The following IMPG1 variants were observed in gnomAD, a reference collection of about 807,000 sequenced individuals.
The protein encoded by IMPG1 is interphotoreceptor matrix proteoglycan of 150 kDa.
A neutral mutation model predicts 92.0 loss-of-function variants in IMPG1; 85 were observed. The observed-to-expected ratio is 0.92, with a 90% CI of 0.78 to 1.11. IMPG1 has a LOEUF of 1.11. IMPG1 is among the 50% of genes least tolerant of loss of function. IMPG1 has a pLI of 0.00. For missense variants in IMPG1, 1,022 were observed against 956.0 expected (o/e 1.07, Z -0.91); for synonymous variants, 367 against 334.1 (o/e 1.10, Z -1.08).
At chr6:75,945,376 G>A (rs534151237) in intron 14 of IMPG1, among the ~76,000 whole-genome samples, 95 of 143,424 alleles carry the variant, frequency 6.6e-4, no homozygotes, top group African/African-American at 2.3e-3. Context: ...TTTTTGAGAG[G>A]AGTCTCTCTG....
chr6:76,044,450 T>C (rs1295968150), intron 1 of IMPG1, among the ~76,000 whole-genome samples: 1 of 152,164 alleles, frequency 6.6e-6, no homozygotes, highest in African/African-American at 2.4e-5. Context: ...TGCCTGCCTG[T>C]AATGTGTGGG....
intron 12 of IMPG1, among the ~76,000 whole-genome samples, chr6:75,985,196 C>A (rs369223469): frequency 6.6e-6 from 1 of 152,204 alleles, no homozygotes; most frequent in Non-Finnish European, 1.5e-5. Flanking sequence ...TGGAATATGG[C>A]AACCTAATGT....
In IMPG1 at chr6:76,042,155, AATATATACATTTATGTGTT is replaced by A; in HGVS notation, c.68-48_68-30del. 3 of 1,099,382 alleles carry A rather than the reference AATATATACATTTATGTGTT, an allele frequency of 2.7e-6. No individual in the cohort carries two copies. In the South Asian group the frequency reaches 3.7e-5, roughly 14 times the overall value. The allele number at this position is 1,099,382 out of a possible 1,614,324, so 68.1% of individuals were successfully genotyped here. On this transcript the variant is annotated intron_variant, in intron 1 of 16. Transcript: ENST00000369950. ...TAAAAGAAAGATTGATATCCTGGTG[AATATATACATTTATGTGTT>A]ATATGTGACATATATGGATAAATGA...
chr6:75,986,795 A>G (rs536441438), intron 12 of IMPG1, among the ~76,000 whole-genome samples: 2 of 152,214 alleles, frequency 1.3e-5, no homozygotes, highest in Non-Finnish European at 2.9e-5. Context: ...GAAATACATT[A>G]GTTTGTATGT....
intron 1 of IMPG1, among the ~76,000 whole-genome samples, chr6:76,051,016 T>C (rs147901857): frequency 6.6e-6 from 1 of 152,314 alleles, no homozygotes; most frequent in African/African-American, 2.4e-5. Context: ...AAATTCACTG[T>C]AATTTCTACA....
rs144309180 is a variant in IMPG1, at chr6:75,994,497, G to A, written c.1291+8421C>T. Among the ~76,000 whole-genome samples the A allele has an allele frequency of 1.4e-4, 21 of 152,278 alleles. 1 individual carries two copies. The highest frequency in any genetic ancestry group is 4.3e-4 in the African/African-American group (18 of 41,560). ...GCTCATAAAGACATATCTGAGGCTG[G>A]GTAATTTATAAAGGAAAGAGGTTTA... On this transcript the variant is annotated intron_variant, in intron 12 of 16. Transcript: ENST00000369950.
chr6:76,018,691 G>A (rs1783341394), intron 7 of IMPG1, 27 bp downstream of exon 7: 4 of 1,606,294 alleles, frequency 2.5e-6, no homozygotes, highest in Admixed American at 1.7e-5. Flanking sequence ...AGCTTGAGGT[G>A]TGGTTGTATG....
At chr6:75,979,194 G>T (rs940853627) in intron 12 of IMPG1, among the ~76,000 whole-genome samples, 3 of 152,138 alleles carry the variant, frequency 2.0e-5, no homozygotes, top group Non-Finnish European at 4.4e-5. Context: ...TGGGATTACA[G>T]GCGTGAGCCA....
intron 9 of IMPG1, among the ~76,000 whole-genome samples, chr6:76,006,530 G>T (rs903159842): frequency 6.9e-6 from 1 of 145,910 alleles, no homozygotes; most frequent in Admixed American, 6.8e-5. Context: ...GTATATATAC[G>T]TGTGTGTGTG....
At chr6:75,982,871 C>T (rs2149470233) in intron 12 of IMPG1, among the ~76,000 whole-genome samples, 1 of 152,162 alleles carries the variant, frequency 6.6e-6, no homozygotes, top group Admixed American at 6.5e-5. Context: ...ACACCCTCAT[C>T]TTTAAAATCT....
At chr6:75,967,338 C>T (rs1474522375) in intron 12 of IMPG1, among the ~76,000 whole-genome samples, 1 of 151,974 alleles carries the variant, frequency 6.6e-6, no homozygotes, top group Non-Finnish European at 1.5e-5. Flanking sequence ...AGAGGTTGGG[C>T]CTTTGGTGGG....
At chr6:75,995,314 AT>A (rs1207604256) in intron 12 of IMPG1, among the ~76,000 whole-genome samples, 3 of 152,242 alleles carry the variant, frequency 2.0e-5, no homozygotes, top group South Asian at 2.1e-4. Flanking sequence ...TTAAACCTAA[AT>A]TTGAGGTGTC....
At position 76,041,938 on chromosome 6, in the gene IMPG1, T is replaced by A. The variant is rs752153859; in HGVS notation, c.256A>T (p.Met86Leu). 2 of 1,613,884 alleles carry A rather than the reference T, an allele frequency of 1.2e-6. No individual in the cohort carries two copies. Among genetic ancestry groups the A allele is most frequent in the Non-Finnish European group, 1.7e-6 (2 of 1,179,774 alleles). ...TGVKVCPQES[M>L]KQILDSLQAY... Reference sequence around the variant, plus strand: ...TGAAGACTGTCTAAAATCTGTTTCATGGATTCCTGTGGACAGACTTTAACC... The same window carrying A: ...TGAAGACTGTCTAAAATCTGTTTCAAGGATTCCTGTGGACAGACTTTAACC... The change falls in exon 2 of 17, where the codon ATG (methionine) becomes TTG (leucine). Residue 86 changes from methionine (M) to leucine (L), a missense_variant. Physicochemically the swap from Met to Leu is conservative, Grantham distance 15. This residue lies in a region of IMPG1 where 681 missense variants were observed against 583.6 expected (regional missense o/e 1.17). Coordinates refer to ENST00000369950, the MANE Select transcript of IMPG1 (RefSeq NM_001563.4).
intron 14 of IMPG1, among the ~76,000 whole-genome samples, chr6:75,944,263 C>T (rs1199653301): frequency 1.3e-5 from 2 of 152,220 alleles, no homozygotes; most frequent in Non-Finnish European, 2.9e-5. Flanking sequence ...TACCTTCCTC[C>T]TTCCCCTCAC....
intron 1 of IMPG1, among the ~76,000 whole-genome samples, chr6:76,057,844 A>G (rs184033275): frequency 6.6e-5 from 10 of 152,230 alleles, no homozygotes; most frequent in African/African-American, 2.4e-4. Flanking sequence ...TTAATATAAC[A>G]TTGTGTCATC....
At chr6:75,958,119 T>A (rs1434749999) in intron 12 of IMPG1, among the ~76,000 whole-genome samples, 1 of 152,240 alleles carries the variant, frequency 6.6e-6, no homozygotes. Flanking sequence ...TTTGCTTGTC[T>A]GTAAAGGATT....
At chr6:76,056,235 C>A (rs959403419) in intron 1 of IMPG1, among the ~76,000 whole-genome samples, 1 of 152,056 alleles carries the variant, frequency 6.6e-6, no homozygotes, top group African/African-American at 2.4e-5. Context: ...AACTATTTGG[C>A]AATCTCAATA....
intron 12 of IMPG1, among the ~76,000 whole-genome samples, chr6:75,959,514 G>C (rs538322005): frequency 1.3e-5 from 2 of 152,280 alleles, no homozygotes; most frequent in Admixed American, 6.5e-5. Flanking sequence ...ATATGAGTTT[G>C]ATCTATAAGC....
rs373671162 is a variant in IMPG1, at chr6:76,066,303, C to G, written c.67+6119G>C. Among the ~76,000 whole-genome samples the G allele has an allele frequency of 1.4e-4, 22 of 151,932 alleles. 1 individual carries two copies. The highest frequency in any genetic ancestry group is 1.2e-3 in the East Asian group (6 of 5,172). On this transcript the variant is annotated intron_variant, in intron 1 of 16. Coordinates refer to ENST00000369950, the MANE Select transcript of IMPG1 (RefSeq NM_001563.4). ...GTGAAATGGATTAAAAAACAAGGTC[C>G]AATGATGTGCTGCTTATAAAAAACT...
Sources: allele counts gnomAD v4.1 joint callset (sites outside exome capture counted in the v4.1 genomes callset), GRCh38; gene constraint gnomAD v4.1.1; regional missense constraint gnomAD v4.1.1; transcripts MANE v1.5; gene names NCBI Gene and HGNC (gene_info 2026-07-23, HGNC 2026-07-21).